The following COL11A1 variants were observed in gnomAD, a reference collection of about 807,000 sequenced individuals.
COL11A1 encodes the protein collagen alpha-1(XI) chain.
Under a neutral mutation model 265.2 loss-of-function variants are expected in COL11A1, and 74 were observed. That is an observed-to-expected ratio of 0.28 (90% CI 0.23 to 0.34). The LOEUF is 0.34. Among genes scored for constraint, COL11A1 ranks in the 10% least tolerant of loss-of-function variants. The probability of loss-of-function intolerance (pLI) is 1.00; values close to 1 mark genes in which losing one functional copy is unlikely to be tolerated. For synonymous variants in COL11A1, 816 were observed against 727.6 expected, an observed-to-expected ratio of 1.12 and a Z score of -1.96; for missense variants, 2,165 against 2,263.6, an observed-to-expected ratio of 0.96 and a Z score of 0.88.
intron 6 of COL11A1, 67 bp downstream of exon 6, chr1:103,026,149 C>A: frequency 1.6e-6 from 2 of 1,261,430 alleles, no homozygotes; most frequent in South Asian, 1.2e-5. Flanking sequence ...GAGGAACAGT[C>A]AACATAAGGA....
At chr1:102,935,197 G>C in intron 44 of COL11A1, 84 bp from the exon 45 acceptor site, 1 of 1,096,280 alleles carries the variant, frequency 9.1e-7, no homozygotes, top group Non-Finnish European at 1.4e-6. Context: ...AGCCTACCAA[G>C]ATCAAACACT....
chr1:103,001,227 C>T, intron 24 of COL11A1: 1 of 397,368 alleles, frequency 2.5e-6, no homozygotes, highest in Non-Finnish European at 4.4e-6. Context: ...AAATAATTCA[C>T]TTGTACACTT....
intron 7 of COL11A1, 66 bp downstream of exon 7, chr1:103,025,455 G>C: frequency 9.4e-7 from 1 of 1,064,810 alleles, no homozygotes; most frequent in Non-Finnish European, 1.5e-6. Context: ...CCAGAGTGAA[G>C]TATATCAAAA....
chr1:102,892,979 C>T lies in COL11A1; in HGVS notation c.4303-2475G>A, dbSNP rs764203774. Among the ~76,000 whole-genome samples, 12 of 152,014 alleles carry T rather than the reference C, an allele frequency of 7.9e-5. 1 individual carries two copies. Among genetic ancestry groups the T allele is most frequent in the Non-Finnish European group, 5.9e-5 (4 of 67,976 alleles). On this transcript the variant is annotated intron_variant, in intron 57 of 66. Coordinates refer to ENST00000370096, the MANE Select transcript of COL11A1 (RefSeq NM_001854.4). Reference sequence around the variant, plus strand: ...GTATAAGAATAAACAATCATCCTGCCCTGTTAAATCTCAGACAAAAAGACC... The same window carrying T: ...GTATAAGAATAAACAATCATCCTGCTCTGTTAAATCTCAGACAAAAAGACC...
At chr1:103,016,492 T>C (rs1339599140) in intron 11 of COL11A1, among the ~76,000 whole-genome samples, 3 of 151,944 alleles carry the variant, frequency 2.0e-5, no homozygotes, top group Non-Finnish European at 4.4e-5. Flanking sequence ...CTCATAGATA[T>C]AAGGTATATG....
At chr1:102,939,140 G>T (rs775757079) in intron 43 of COL11A1, 52 bp from the exon 44 acceptor site, 3 of 1,439,778 alleles carry the variant, frequency 2.1e-6, no homozygotes, top group African/African-American at 2.8e-5. Flanking sequence ...CTATTGCATT[G>T]TCTTAATTAT....
intron 37 of COL11A1, among the ~76,000 whole-genome samples, chr1:102,967,073 T>C (rs1035560174): frequency 6.6e-6 from 1 of 152,098 alleles, no homozygotes; most frequent in Non-Finnish European, 1.5e-5. Flanking sequence ...AGAAGGTCCC[T>C]CAAATACAGC....
chr1:102,910,010 T>C (rs1213352637), intron 54 of COL11A1, among the ~76,000 whole-genome samples: 1 of 152,126 alleles, frequency 6.6e-6, no homozygotes, highest in Admixed American at 6.5e-5. Context: ...AGCGTCAACA[T>C]TATTATGTCA....
chr1:102,971,110 A>T (rs930502038), intron 36 of COL11A1, among the ~76,000 whole-genome samples: 3 of 150,038 alleles, frequency 2.0e-5, no homozygotes, highest in African/African-American at 5.1e-5. Context: ...TAAAGGAAAC[A>T]ATACGTTATA....
rs1649538339 is a variant in COL11A1, at chr1:102,876,668, C to A, written c.*1351G>T. 6.6e-6 allele frequency: 1 copy of A among 152,370 alleles called. No homozygotes were observed. Among genetic ancestry groups the A allele is most frequent in the African/African-American group, 2.4e-5 (1 of 41,442 alleles). The allele number at this position is 152,370 out of a possible 1,614,324, so 9.4% of individuals were successfully genotyped here. ...AAATCTGGTATCAATTAATTTAACA[C>A]TTTATATAAGAAATAAAACATTTAT... On this transcript the variant is annotated 3_prime_UTR_variant, in exon 67 of 67. Coordinates refer to ENST00000370096, the MANE Select transcript of COL11A1 (RefSeq NM_001854.4).
intron 37 of COL11A1, among the ~76,000 whole-genome samples, chr1:102,967,951 G>A (rs1031085320): frequency 6.6e-6 from 1 of 152,202 alleles, no homozygotes; most frequent in African/African-American, 2.4e-5. Context: ...CCTAAGGGGA[G>A]AGAGGAAGTC....
At chr1:102,929,272 G>C (rs970463022) in intron 46 of COL11A1, among the ~76,000 whole-genome samples, 1 of 151,500 alleles carries the variant, frequency 6.6e-6, no homozygotes, top group African/African-American at 2.4e-5. Context: ...TTTTGTATAA[G>C]GTGTAAGGAA....
intron 4 of COL11A1, among the ~76,000 whole-genome samples, chr1:103,068,950 T>C (rs1414557342): frequency 2.6e-5 from 4 of 151,616 alleles, no homozygotes; most frequent in Admixed American, 6.6e-5. Flanking sequence ...TTATATTATG[T>C]ACAGGAAATA....
intron 1 of COL11A1, among the ~76,000 whole-genome samples, chr1:103,105,813 T>G (rs1256145857): frequency 6.6e-6 from 1 of 152,204 alleles, no homozygotes. Flanking sequence ...TAATATACTA[T>G]TATTCCCTTT....
chr1:102,890,418 T>C, intron 58 of COL11A1, 33 bp downstream of exon 58: 3 of 1,554,542 alleles, frequency 1.9e-6, no homozygotes, highest in Middle Eastern at 3.4e-4. Context: ...AAAAGCATAT[T>C]CTTTTATTAA....
chr1:102,966,529 A>T (rs1433831365), intron 37 of COL11A1, among the ~76,000 whole-genome samples: 1 of 152,212 alleles, frequency 6.6e-6, no homozygotes, highest in Non-Finnish European at 1.5e-5. Context: ...GTTCTATTTT[A>T]AAAATCTATT....
At chr1:103,010,577 C>T (rs1392609527) in intron 14 of COL11A1, among the ~76,000 whole-genome samples, 1 of 152,086 alleles carries the variant, frequency 6.6e-6, no homozygotes, top group East Asian at 1.9e-4. Context: ...ATATAATGTG[C>T]CTCCCTTGTT....
chr1:102,898,139 GT>G lies in COL11A1; in HGVS notation c.4287del (p.Pro1430HisfsTer28). The G allele has an allele frequency of 6.5e-7, 1 of 1,548,646 alleles. No homozygotes were observed. Among genetic ancestry groups the G allele is most frequent in the East Asian group, 2.4e-5 (1 of 42,082 alleles). On this transcript the variant is annotated frameshift_variant, in exon 57 of 67. Transcript: ENST00000370096. LOFTEE classifies it high-confidence loss of function. ...QGLPGAAGQD[G>X]PPGPMGPPGL... ...ATCTTACTCACCATAGGACCAGGTG[GT>G]CCATCTTGGCCTGCAGCTCCAGGGA... is the stretch of plus-strand genomic sequence containing the variant.
In COL11A1 at chr1:102,890,392, A is replaced by C. The variant is rs961093955; in HGVS notation, c.4356+59T>G. ...TTGAATGATTTTAATCTGCAAAAGC[A>C]GGGCTATTAGTATATAAAAGCATAT... On this transcript the variant is annotated intron_variant, in intron 58 of 66. Transcript: ENST00000370096. 2.8e-5 allele frequency: 39 copies of C among 1,375,702 alleles called. No individual in the cohort carries two copies. The East Asian group carries it at 9.7e-4, about 34-fold the overall frequency. 85.2% of individuals were successfully genotyped at this position (1,375,702 alleles called of 1,614,324 possible). A position where few individuals can be genotyped will look rare whatever the true frequency, so the allele number is the denominator to read the frequency against.
Sources: gnomAD v4.1 joint callset for allele counts (sites outside exome capture counted in the v4.1 genomes callset) on GRCh38, gnomAD v4.1.1 for gene constraint, MANE v1.5 for transcripts, NCBI Gene and HGNC (gene_info 2026-07-23, HGNC 2026-07-21) for gene names.